UNC5B: variants seen among roughly 807,000 people sequenced by gnomAD.
UNC5B encodes unc-5 netrin receptor B, also known as netrin receptor UNC5B.
A neutral mutation model predicts 103.7 loss-of-function variants in UNC5B; 56 were observed. That is an observed-to-expected ratio of 0.54 (90% confidence interval 0.44 to 0.67). The LOEUF (loss-of-function observed/expected upper bound fraction) is 0.67, where lower values mean the gene tolerates loss of function less well. Ranked by LOEUF, UNC5B falls within the 30% of genes least tolerant of loss-of-function variation. The pLI, the probability that UNC5B is intolerant of heterozygous loss-of-function variation, is 0.00. For missense variants in UNC5B, 1,194 were observed against 1,284.5 expected (o/e 0.93, Z 1.08); for synonymous variants, 577 against 542.0 (o/e 1.06, Z -0.90).
intron 1 of UNC5B, among the ~76,000 whole-genome samples, chr10:71,259,314 G>A (rs1692386467): frequency 2.6e-5 from 4 of 151,702 alleles, no homozygotes; most frequent in Admixed American, 2.6e-4. Flanking sequence ...ATTTGAACCC[G>A]GGAGGCAGAG....
intron 1 of UNC5B, among the ~76,000 whole-genome samples, chr10:71,250,789 G>A (rs1189663341): frequency 6.6e-6 from 1 of 152,228 alleles, no homozygotes. Flanking sequence ...TTGGGGTAGA[G>A]ATTATAACTT....
chr10:71,227,031 C>T (rs1042150505), intron 1 of UNC5B, among the ~76,000 whole-genome samples: 2 of 149,108 alleles, frequency 1.3e-5, no homozygotes, highest in African/African-American at 5.0e-5. Flanking sequence ...GTTGCCCAGG[C>T]TGGAGTTCAA....
rs1477440610 is a variant in UNC5B, at chr10:71,296,694, A to G, written c.2442A>G (p.Gln814=). 1.2e-6 allele frequency: 2 copies of G among 1,609,570 alleles called. No individual in the cohort carries two copies. Among genetic ancestry groups the G allele is most frequent in the Non-Finnish European group, 1.7e-6 (2 of 1,177,652 alleles). The change falls in exon 15 of 17, where the codon CAA becomes CAG. Residue 814 remains glutamine (Q), a synonymous_variant. Coordinates refer to ENST00000335350, the MANE Select transcript of UNC5B (RefSeq NM_170744.5). ...TCACCTGCAAGATCTGCGTGCGGCA[A>G]GTGGAAGGGGAGGGCCAGATATTCC... ...TELTCKICVR[Q]VEGEGQIFQL...
chr10:71,240,641 G>A (rs767765013), intron 1 of UNC5B, among the ~76,000 whole-genome samples: 4 of 152,338 alleles, frequency 2.6e-5, no homozygotes, highest in African/African-American at 4.8e-5. Flanking sequence ...ATTTCCTCCC[G>A]GCCCAGCAGC....
At chr10:71,249,700 G>T (rs1191567412) in intron 1 of UNC5B, among the ~76,000 whole-genome samples, 1 of 152,198 alleles carries the variant, frequency 6.6e-6, no homozygotes, top group African/African-American at 2.4e-5. Flanking sequence ...CAGGTAGAAG[G>T]CAGGTAATGC....
chr10:71,298,568 A>G (rs1279022016), intron 16 of UNC5B, among the ~76,000 whole-genome samples: 1 of 152,234 alleles, frequency 6.6e-6, no homozygotes, highest in African/African-American at 2.4e-5. Context: ...AATAAATATT[A>G]TACTTATTGA....
At chr10:71,280,369 C>T (rs986015631) in intron 2 of UNC5B, among the ~76,000 whole-genome samples, 5 of 152,144 alleles carry the variant, frequency 3.3e-5, no homozygotes, top group Admixed American at 3.3e-4. Context: ...CTCTGCCTCA[C>T]AGCCCTGGCA....
At chr10:71,283,428 A>T (rs1010998645) in intron 2 of UNC5B, among the ~76,000 whole-genome samples, 2 of 152,188 alleles carry the variant, frequency 1.3e-5, no homozygotes, top group Admixed American at 1.3e-4. Flanking sequence ...GAGTAACTTC[A>T]CAAAGGTCAC....
intron 8 of UNC5B, among the ~76,000 whole-genome samples, chr10:71,289,562 C>A (rs1184778196): frequency 6.6e-6 from 1 of 152,240 alleles, no homozygotes; most frequent in African/African-American, 2.4e-5. Context: ...GCCACTTGAG[C>A]AGGTTGGCCC....
chr10:71,250,612 T>A (rs1407371338), intron 1 of UNC5B, among the ~76,000 whole-genome samples: 1 of 152,196 alleles, frequency 6.6e-6, no homozygotes, highest in Non-Finnish European at 1.5e-5. Context: ...TGGACTCATT[T>A]ACAGAAGTCA....
At chr10:71,214,032 T>G (rs1843285926) in intron 1 of UNC5B, among the ~76,000 whole-genome samples, 1 of 152,042 alleles carries the variant, frequency 6.6e-6, no homozygotes, top group Non-Finnish European at 1.5e-5. Context: ...GGCTGTGGAC[T>G]GAATGGAGCC....
chr10:71,222,530 C>CA (rs397753563), intron 1 of UNC5B, among the ~76,000 whole-genome samples: 4 of 152,086 alleles, frequency 2.6e-5, no homozygotes, highest in Non-Finnish European at 4.4e-5. Context: ...CTCCACCCCC[C>CA]GATTTGGCTG....
chr10:71,291,478 C>A lies in UNC5B; in HGVS notation c.1341C>A (p.Ala447=). 1 of 1,613,910 alleles carries A rather than the reference C, an allele frequency of 6.2e-7. No individual in the cohort carries two copies. Among genetic ancestry groups the A allele is most frequent in the Non-Finnish European group, 8.5e-7 (1 of 1,179,882 alleles). Reference sequence around the variant, plus strand: ...CCTCTGTGCCTCCTGACCTGACAGCCAGCGCCGGCATCTACCGCGGACCCG... The same window carrying A: ...CCTCTGTGCCTCCTGACCTGACAGCAAGCGCCGGCATCTACCGCGGACCCG... ...LHPSVPPDLT[A]SAGIYRGPVY... Residue 447 remains alanine (A), a synonymous_variant, in exon 10 of 17, where the codon GCC becomes GCA. Transcript: ENST00000335350.
chr10:71,296,816 T>C (rs542136368), intron 15 of UNC5B, 74 bp downstream of exon 15: 194 of 1,416,446 alleles, frequency 1.4e-4, no homozygotes, highest in Non-Finnish European at 1.7e-4. Context: ...GGGGCAGATA[T>C]TCCAGCTGCA....
intron 1 of UNC5B, among the ~76,000 whole-genome samples, chr10:71,261,757 C>T (rs1263398779): frequency 6.6e-6 from 1 of 152,202 alleles, no homozygotes; most frequent in Non-Finnish European, 1.5e-5. Context: ...CTCTTACTGG[C>T]TGTGTGACTG....
chr10:71,268,267 G>T (rs543789855), intron 1 of UNC5B, among the ~76,000 whole-genome samples: 1 of 152,312 alleles, frequency 6.6e-6, no homozygotes, highest in African/African-American at 2.4e-5. Flanking sequence ...TCGCCCATTT[G>T]CCCTCTCCTT....
Position 71,298,614 on chromosome 10 carries a change from AT to A in UNC5B, c.2673-497del, listed in dbSNP as rs201498919. 5.0e-3 allele frequency among the ~76,000 whole-genome samples: 760 copies of A among 152,142 alleles called. 5 individuals carry two copies. Among genetic ancestry groups the A allele is most frequent in the African/African-American group, 0.016 (674 of 41,488 alleles). ...ATAAACCTGCATTGAGTCTCAAAAAATAAATAAATAAAATATGCTTTAGATA... is the reference window on the plus strand; with the variant it reads ...ATAAACCTGCATTGAGTCTCAAAAAAAAATAAATAAAATATGCTTTAGATA... On this transcript the variant is annotated intron_variant, in intron 16 of 16. Coordinates refer to ENST00000335350, the MANE Select transcript of UNC5B (RefSeq NM_170744.5).
intron 1 of UNC5B, among the ~76,000 whole-genome samples, chr10:71,245,528 C>T (rs775474486): frequency 6.6e-6 from 1 of 152,008 alleles, no homozygotes; most frequent in African/African-American, 2.4e-5. Flanking sequence ...GGTGGGCTGG[C>T]GGGGAGAGGC....
chr10:71,266,776 CACA>C (rs969963451), intron 1 of UNC5B, among the ~76,000 whole-genome samples: 2 of 152,164 alleles, frequency 1.3e-5, no homozygotes, highest in African/African-American at 2.4e-5. Flanking sequence ...TCTCCCTGTC[CACA>C]GTTTCAGTTA....
Sources: gnomAD v4.1 joint callset for allele counts (sites outside exome capture counted in the v4.1 genomes callset) on GRCh38, gnomAD v4.1.1 for gene constraint, MANE v1.5 for transcripts, NCBI Gene and HGNC (gene_info 2026-07-23, HGNC 2026-07-21) for gene names.